NOMO1: variants seen among roughly 807,000 people sequenced by gnomAD.
The protein encoded by NOMO1 is nodal modulator 3.
Under a neutral mutation model 133.8 loss-of-function variants are expected in NOMO1, and 40 were observed. The observed-to-expected ratio is 0.30, with a 90% confidence interval of 0.23 to 0.39. The LOEUF (loss-of-function observed/expected upper bound fraction) is 0.39. Among genes scored for constraint, NOMO1 ranks in the 10% least tolerant of loss-of-function variants. The pLI is 1.00. For missense variants in NOMO1, 462 were observed against 1,419.9 expected, an observed-to-expected ratio of 0.33 and a Z score of 10.84; for synonymous variants, 236 against 570.5, an observed-to-expected ratio of 0.41 and a Z score of 8.36.
chr16:14,836,847 A>G (rs1380414470), intron 1 of NOMO1, among the ~76,000 whole-genome samples: 2 of 150,794 alleles, frequency 1.3e-5, no homozygotes, highest in Admixed American at 6.6e-5. Flanking sequence ...CTGGGACTAC[A>G]GGCGCCCGCC....
chr16:14,871,735 G>T, intron 17 of NOMO1, 51 bp downstream of exon 17: 1 of 1,516,768 alleles, frequency 6.6e-7, no homozygotes, highest in Non-Finnish European at 9.0e-7. Context: ...TTCCGTGGAG[G>T]ATTCTTCATT....
intron 15 of NOMO1, 90 bp from the exon 16 acceptor site, chr16:14,868,458 C>T (rs1188930856): frequency 2.6e-6 from 2 of 783,068 alleles, no homozygotes; most frequent in Non-Finnish European, 4.6e-6. Flanking sequence ...ATGGGCAAAA[C>T]AGATGACTGG....
At chr16:14,837,661 TAGTA>T (rs1963539039) in intron 1 of NOMO1, among the ~76,000 whole-genome samples, 1 of 151,140 alleles carries the variant, frequency 6.6e-6, no homozygotes, top group Non-Finnish European at 1.5e-5. Context: ...TATTCAGAGT[TAGTA>T]AGGAAGATTT....
intron 5 of NOMO1, 182 bp from the exon 6 acceptor site, chr16:14,848,717 T>A: frequency 3.1e-6 from 1 of 318,806 alleles, no homozygotes; most frequent in South Asian, 2.3e-5. Context: ...AAGTGCTCAA[T>A]AAGCGCTCTT....
intron 18 of NOMO1, among the ~76,000 whole-genome samples, chr16:14,873,824 C>T (rs7499403): frequency 0.1 from 15,580 of 151,428 alleles, 939 homozygotes; most frequent in East Asian, 0.19. Flanking sequence ...AGACCCAAAA[C>T]CCGACTGCTG....
At chr16:14,856,524 G>A (rs1402233712) in intron 9 of NOMO1, among the ~76,000 whole-genome samples, 1 of 151,706 alleles carries the variant, frequency 6.6e-6, no homozygotes, top group Non-Finnish European at 1.5e-5. Flanking sequence ...CGATTCTCCT[G>A]CCTCAGCCTC....
At chr16:14,877,155 G>GTTTTT (rs758384408) in intron 22 of NOMO1, among the ~76,000 whole-genome samples, 1 of 117,594 alleles carries the variant, frequency 8.5e-6, no homozygotes, top group South Asian at 3.0e-4. Context: ...ATATACTGTT[G>GTTTTT]TTTTTTTTTT....
intron 24 of NOMO1, among the ~76,000 whole-genome samples, chr16:14,881,085 A>G (rs1168206766): frequency 6.6e-6 from 1 of 152,078 alleles, no homozygotes; most frequent in East Asian, 1.9e-4. Context: ...ATACATATAT[A>G]CATGTATACA....
intron 1 of NOMO1, among the ~76,000 whole-genome samples, chr16:14,837,061 A>T (rs980090898): frequency 2.0e-5 from 3 of 151,424 alleles, no homozygotes; most frequent in Non-Finnish European, 4.4e-5. Flanking sequence ...ACTGTTGCTC[A>T]GGCTGGAGTA....
intron 11 of NOMO1, among the ~76,000 whole-genome samples, chr16:14,860,448 G>C (rs1376529248): frequency 6.6e-6 from 1 of 151,754 alleles, no homozygotes; most frequent in Non-Finnish European, 1.5e-5. Flanking sequence ...TTTTCTTCCT[G>C]GCTGCTGTGT....
Position 14,833,743 on chromosome 16 carries a change from C to T in NOMO1, c.-109C>T. ...GGCGGCTCTGGCGGCGGCGGTGGGG[C>T]GGGGCCTGGGCTGTCAGCCGGCCTA... On this transcript the variant is annotated 5_prime_UTR_variant, in exon 1 of 31. Transcript: ENST00000287667. 1.9e-6 allele frequency: 2 copies of T among 1,062,004 alleles called. No homozygotes were observed. Among genetic ancestry groups the T allele is most frequent in the East Asian group, 3.4e-5 (1 of 29,348 alleles). 65.8% of individuals were successfully genotyped at this position (1,062,004 alleles called of 1,614,324 possible).
At chr16:14,855,786 G>A (rs911414011) in intron 9 of NOMO1, among the ~76,000 whole-genome samples, 9 of 151,954 alleles carry the variant, frequency 5.9e-5, no homozygotes, top group African/African-American at 1.9e-4. Context: ...GTCAGGTACC[G>A]TGTCTTATTC....
chr16:14,882,944 C>T (rs907075849), intron 26 of NOMO1, among the ~76,000 whole-genome samples: 11 of 152,060 alleles, frequency 7.2e-5, no homozygotes, highest in South Asian at 4.2e-4. Context: ...CATTATTCTG[C>T]AAGTTAAGGA....
At chr16:14,858,884 A>G (rs1963882186) in intron 11 of NOMO1, among the ~76,000 whole-genome samples, 1 of 152,022 alleles carries the variant, frequency 6.6e-6, no homozygotes, top group African/African-American at 2.4e-5. Flanking sequence ...GAAGTCAGGG[A>G]CAGACTGGTG....
intron 9 of NOMO1, among the ~76,000 whole-genome samples, chr16:14,856,367 A>C (rs1963835470): frequency 6.6e-6 from 1 of 151,922 alleles, no homozygotes; most frequent in Admixed American, 6.6e-5. Flanking sequence ...AGACACATGG[A>C]GCATGGGACC....
In NOMO1 at chr16:14,857,341, C is replaced by G; in HGVS notation, c.1069+19C>G. 1 of 1,536,758 alleles carries G rather than the reference C, an allele frequency of 6.5e-7. No individual in the cohort carries two copies. Among genetic ancestry groups the G allele is most frequent in the South Asian group, 1.1e-5 (1 of 87,112 alleles). ...ATCAAAGGTGGGCTGACACAGCAGCCCCAGGCTGATGGCCAGCGCTCTTTT... is the reference window on the plus strand; with the variant it reads ...ATCAAAGGTGGGCTGACACAGCAGCGCCAGGCTGATGGCCAGCGCTCTTTT... On this transcript the variant is annotated intron_variant, in intron 10 of 30. Coordinates refer to ENST00000287667, the MANE Select transcript of NOMO1 (RefSeq NM_014287.4).
At chr16:14,874,033 C>T (rs894475317) in intron 18 of NOMO1, among the ~76,000 whole-genome samples, 58 of 42,316 alleles carry the variant, frequency 1.4e-3, no homozygotes, top group Non-Finnish European at 5.1e-3. Flanking sequence ...TGGTCTGACC[C>T]CCCTCTGGGG....
At chr16:14,866,118 C>T (rs1216105747) in intron 14 of NOMO1, among the ~76,000 whole-genome samples, 1 of 147,600 alleles carries the variant, frequency 6.8e-6, no homozygotes, top group African/African-American at 2.5e-5. Context: ...AGTGTGGTGG[C>T]GCGACCTTGG....
chr16:14,855,748 G>C (rs1963824326), intron 9 of NOMO1, among the ~76,000 whole-genome samples: 1 of 152,020 alleles, frequency 6.6e-6, no homozygotes, highest in African/African-American at 2.4e-5. Context: ...TGGAATTTCA[G>C]GGAATGGGGC....
Sources: gnomAD v4.1 joint callset for allele counts (sites outside exome capture counted in the v4.1 genomes callset) on GRCh38, gnomAD v4.1.1 for gene constraint, MANE v1.5 for transcripts, NCBI Gene and HGNC (gene_info 2026-07-23, HGNC 2026-07-21) for gene names.